ATAD1: variants seen among roughly 807,000 people sequenced by gnomAD.
The protein encoded by ATAD1 is ATPase family AAA domain containing 1.
A neutral mutation model predicts 42.7 loss-of-function variants in ATAD1; 18 were observed. That is an observed-to-expected ratio of 0.42 (90% CI 0.29 to 0.63). The LOEUF (loss-of-function observed/expected upper bound fraction) is 0.63. Among genes scored for constraint, ATAD1 ranks in the 20% least tolerant of loss-of-function variants. ATAD1 has a pLI of 0.19. For missense variants in ATAD1, 294 were observed against 440.4 expected (o/e 0.67, Z 2.98); for synonymous variants, 132 against 143.1 (o/e 0.92, Z 0.55).
At chr10:87,770,151 C>T (rs1460877781) in intron 7 of ATAD1, among the ~76,000 whole-genome samples, 1 of 152,008 alleles carries the variant, frequency 6.6e-6, no homozygotes, top group Non-Finnish European at 1.5e-5. Context: ...TGTTTACTAC[C>T]AAAAACCAAT....
At chr10:87,771,154 G>A in intron 6 of ATAD1, 113 bp from the exon 7 acceptor site, 1 of 672,786 alleles carries the variant, frequency 1.5e-6, no homozygotes, top group East Asian at 3.0e-5. Flanking sequence ...TAAATCCTTT[G>A]TAAGAAATCT....
chr10:87,838,360 C>T (rs1406802364), intron 1 of ATAD1, among the ~76,000 whole-genome samples: 3 of 149,114 alleles, frequency 2.0e-5, no homozygotes, highest in South Asian at 2.1e-4. Flanking sequence ...AACCCAGTCT[C>T]GACTAAAAAT....
chr10:87,829,979 A>G (rs558784696), intron 1 of ATAD1, among the ~76,000 whole-genome samples: 2 of 152,238 alleles, frequency 1.3e-5, no homozygotes, highest in African/African-American at 2.4e-5. Context: ...ATCAAACAGC[A>G]TCACATACTG....
intron 4 of ATAD1, among the ~76,000 whole-genome samples, chr10:87,787,650 T>C (rs1855902065): frequency 6.6e-6 from 1 of 152,160 alleles, no homozygotes; most frequent in Non-Finnish European, 1.5e-5. Flanking sequence ...GATACACAAA[T>C]CTAAATTTGA....
Position 87,771,023 on chromosome 10 carries a change from T to C in ATAD1, c.709A>G (p.Thr237Ala), listed in dbSNP as rs544266071. 6.2e-7 allele frequency: 1 copy of C among 1,613,198 alleles called. No homozygotes were observed. The highest frequency in any genetic ancestry group is 1.1e-5 in the South Asian group (1 of 91,022). Reference protein sequence around the residue: ...HSCQVIVMGATNRPQDLDSAI... With the variant: ...HSCQVIVMGAANRPQDLDSAI... Reference sequence around the variant, plus strand: ...GAGTCAAGGTCCTGAGGACGATTGGTAGCTCCCATTACTATGACCTAAGTG... The same window carrying C: ...GAGTCAAGGTCCTGAGGACGATTGGCAGCTCCCATTACTATGACCTAAGTG... Residue 237 changes from threonine (T) to alanine (A), a missense_variant, in exon 7 of 10, where the codon ACC becomes GCC. Thr to Ala is a moderately conservative substitution (Grantham distance 58, BLOSUM62 0). Transcript: ENST00000680024.
chr10:87,767,863 A>G (rs2131800819), intron 7 of ATAD1, 140 bp from the exon 8 acceptor site: 2 of 720,234 alleles, frequency 2.8e-6, no homozygotes, highest in Non-Finnish European at 4.5e-6. Flanking sequence ...AAGAGGTCAA[A>G]GCAACTAGAT....
rs376394025 is a variant in ATAD1, at chr10:87,752,704, G to C, written c.*1983C>G. 1 of 152,192 alleles carries C rather than the reference G, an allele frequency of 6.6e-6. No individual in the cohort carries two copies. Among genetic ancestry groups the C allele is most frequent in the East Asian group, 1.9e-4 (1 of 5,188 alleles). 9.4% of individuals were successfully genotyped at this position (152,192 alleles called of 1,614,324 possible). A position where few individuals can be genotyped will look rare whatever the true frequency, so the allele number is the denominator to read the frequency against. On this transcript the variant is annotated 3_prime_UTR_variant, in exon 10 of 10. Coordinates refer to ENST00000680024, the MANE Select transcript of ATAD1 (RefSeq NM_001321967.2). ...GGATAGATGTTACATAACACTAAAA[G>C]TTATTTAAAAATCAGGAAAATAGTT...
chr10:87,791,861 T>C (rs1856136356), intron 3 of ATAD1, among the ~76,000 whole-genome samples: 4 of 152,214 alleles, frequency 2.6e-5, no homozygotes. Flanking sequence ...CTCTAGATTA[T>C]ACATGAGGGA....
chr10:87,818,012 G>A, intron 1 of ATAD1, 155 bp downstream of exon 1: 1 of 985,762 alleles, frequency 1.0e-6, no homozygotes, highest in Non-Finnish European at 1.2e-6. Flanking sequence ...GATACTAAGG[G>A]CTGCGGGGCG....
intron 7 of ATAD1, among the ~76,000 whole-genome samples, chr10:87,768,739 G>T (rs1854884746): frequency 6.6e-6 from 1 of 152,086 alleles, no homozygotes. Flanking sequence ...AACTTTAATT[G>T]TGGCTACTTT....
At chr10:87,784,778 A>G (rs975198731) in intron 4 of ATAD1, 108 bp from the exon 5 acceptor site, 17 of 1,008,500 alleles carry the variant, frequency 1.7e-5, no homozygotes, top group Non-Finnish European at 2.4e-5. Flanking sequence ...CCAATATTCA[A>G]TTCTGCTTTT....
At chr10:87,757,072 G>A (rs1464327006) in intron 8 of ATAD1, 150 bp from the exon 9 acceptor site, 21 of 576,550 alleles carry the variant, frequency 3.6e-5, no homozygotes, top group East Asian at 9.9e-5. Context: ...AACCACAAAA[G>A]CTTAGAAATT....
chr10:87,820,838 T>C (rs1857619181), upstream of ATAD1, among the ~76,000 whole-genome samples: 1 of 152,182 alleles, frequency 6.6e-6, no homozygotes, highest in Non-Finnish European at 1.5e-5. Context: ...ATGAGATTCT[T>C]CCAGAATACA....
intron 2 of ATAD1, among the ~76,000 whole-genome samples, chr10:87,805,854 A>G (rs1205652999): frequency 6.6e-6 from 1 of 151,844 alleles, no homozygotes; most frequent in South Asian, 2.1e-4. Flanking sequence ...CCAAATGGAA[A>G]TTACTCTCTC....
At chr10:87,782,240 G>A (rs904499141) in intron 5 of ATAD1, among the ~76,000 whole-genome samples, 3 of 152,164 alleles carry the variant, frequency 2.0e-5, no homozygotes, top group African/African-American at 7.2e-5. Context: ...GCTTTAAGAC[G>A]CTGAATGTGA....
At chr10:87,829,429 G>A (rs1246320802) in intron 1 of ATAD1, among the ~76,000 whole-genome samples, 1 of 151,890 alleles carries the variant, frequency 6.6e-6, no homozygotes, top group Non-Finnish European at 1.5e-5. Context: ...CTAATTTTTT[G>A]TATTTTAGTA....
intron 2 of ATAD1, among the ~76,000 whole-genome samples, chr10:87,805,841 C>T (rs1226992539): frequency 1.3e-5 from 2 of 151,906 alleles, no homozygotes; most frequent in Non-Finnish European, 2.9e-5. Context: ...CTTGCTGCCT[C>T]CACCAAATGG....
At chr10:87,808,189 T>C (rs1439940017) in intron 2 of ATAD1, among the ~76,000 whole-genome samples, 1 of 152,208 alleles carries the variant, frequency 6.6e-6, no homozygotes, top group Non-Finnish European at 1.5e-5. Flanking sequence ...ATGTAGATTA[T>C]CATATTATCC....
At chr10:87,766,800 C>T (rs906110513) in intron 8 of ATAD1, among the ~76,000 whole-genome samples, 10 of 150,708 alleles carry the variant, frequency 6.6e-5, no homozygotes, top group Non-Finnish European at 1.3e-4. Context: ...TACAGAGTGA[C>T]ACTCTGCTTC....
Sources: allele counts gnomAD v4.1 joint callset (sites outside exome capture counted in the v4.1 genomes callset), GRCh38; gene constraint gnomAD v4.1.1; transcripts MANE v1.5; gene names NCBI Gene and HGNC (gene_info 2026-07-23, HGNC 2026-07-21).